TG: variants seen among roughly 807,000 people sequenced by gnomAD.
TG encodes thyroid hormones.
TG carries 270 observed loss-of-function variants against 324.7 expected under a neutral mutation model. The observed-to-expected ratio is 0.83, with a 90% confidence interval of 0.75 to 0.92. TG has a LOEUF of 0.92. Among genes scored for constraint, TG ranks in the 40% least tolerant of loss-of-function variants. The probability of loss-of-function intolerance (pLI) is 0.00; values close to 1 mark genes in which losing one functional copy is unlikely to be tolerated. For missense variants in TG, 3,591 were observed against 3,456.4 expected (o/e 1.04, Z -0.98); for synonymous variants, 1,401 against 1,327.0 (o/e 1.06, Z -1.21).
At chr8:133,116,521 G>A (rs1850705163) in intron 44 of TG, 88 bp from the exon 45 acceptor site, 6 of 1,267,820 alleles carry the variant, frequency 4.7e-6, no homozygotes, top group African/African-American at 1.5e-5. Context: ...GGGCCCAGGG[G>A]GCCCCTTGCT....
At chr8:133,104,200 G>T (rs566480985) in intron 43 of TG, among the ~76,000 whole-genome samples, 4 of 152,198 alleles carry the variant, frequency 2.6e-5, no homozygotes, top group Non-Finnish European at 5.9e-5. Flanking sequence ...GGGAGGAGAG[G>T]AAGTCAGAGG....
intron 43 of TG, chr8:133,106,431 G>A (rs1849815406): frequency 1.0e-6 from 1 of 985,268 alleles, no homozygotes; most frequent in Non-Finnish European, 1.2e-6. Context: ...AAACCAGGAT[G>A]GGGAAGCTCT....
intron 45 of TG, among the ~76,000 whole-genome samples, chr8:133,131,375 A>G (rs749673701): frequency 1.3e-5 from 2 of 152,240 alleles, no homozygotes; most frequent in South Asian, 2.1e-4. Context: ...TTGAAAAGTC[A>G]TAAGAGTGTG....
chr8:132,902,241 A>G (rs578128218), intron 16 of TG, among the ~76,000 whole-genome samples: 1 of 152,294 alleles, frequency 6.6e-6, no homozygotes, highest in Admixed American at 6.5e-5. Context: ...ACTGTGCTAA[A>G]TGATTCTGAG....
In TG at chr8:132,972,359, G is replaced by A. The variant is rs1587638261; in HGVS notation, c.6056-239G>A. 6 of 578,108 alleles carry A rather than the reference G, an allele frequency of 1.0e-5. No homozygotes were observed. In the East Asian group the frequency reaches 1.8e-4, roughly 17 times the overall value. The allele number at this position is 578,108 out of a possible 1,614,324, so 35.8% of individuals were successfully genotyped here. Reference sequence around the variant, plus strand: ...GTGATACCAACAGAGACCTAGCACAGCCCTAAGCACATGTTAGGTGCTTGA... The same window carrying A: ...GTGATACCAACAGAGACCTAGCACAACCCTAAGCACATGTTAGGTGCTTGA... On this transcript the variant is annotated intron_variant, in intron 33 of 47. Transcript: ENST00000220616.
chr8:132,950,775 C>G (rs1013315542), intron 27 of TG, among the ~76,000 whole-genome samples: 1 of 152,066 alleles, frequency 6.6e-6, no homozygotes, highest in Admixed American at 6.5e-5. Context: ...ACCCATCTCA[C>G]GGGGTTGGGA....
At chr8:133,133,749 A>G in intron 47 of TG, 89 bp downstream of exon 47, 1 of 1,465,644 alleles carries the variant, frequency 6.8e-7, no homozygotes. Context: ...CTGCGCGCGC[A>G]TTGGAGCCAA....
Position 132,901,232 on chromosome 8 carries a change from C to T in TG, c.3434-121C>T. ...CCTGGTGGGGAGGCAGCCCCAGACC[C>T]CTGGAAGGCCCTGCAGGCAGGTGGG... is the stretch of plus-strand genomic sequence containing the variant. On this transcript the variant is annotated intron_variant, in intron 15 of 47. Coordinates refer to ENST00000220616, the MANE Select transcript of TG (RefSeq NM_003235.5). The T allele has an allele frequency of 5.9e-6, 7 of 1,178,964 alleles. No individual in the cohort carries two copies. The South Asian group carries it at 7.5e-5, about 13-fold the overall frequency. 73.0% of individuals were successfully genotyped at this position (1,178,964 alleles called of 1,614,324 possible).
intron 21 of TG, 50 bp downstream of exon 21, chr8:132,919,575 G>T: frequency 6.2e-7 from 1 of 1,608,060 alleles, no homozygotes; most frequent in South Asian, 1.1e-5. Flanking sequence ...CAATGAAATG[G>T]AACTCAACAG....
At chr8:133,055,631 T>C (rs1216111484) in intron 41 of TG, among the ~76,000 whole-genome samples, 1 of 152,178 alleles carries the variant, frequency 6.6e-6, no homozygotes, top group Non-Finnish European at 1.5e-5. Flanking sequence ...ACCTTGAGTC[T>C]TTTCAGGGTC....
At chr8:132,946,469 A>G (rs921411470) in intron 26 of TG, among the ~76,000 whole-genome samples, 4 of 152,194 alleles carry the variant, frequency 2.6e-5, no homozygotes, top group African/African-American at 4.8e-5. Context: ...AGTCTTGTCC[A>G]GTGGGCAAAT....
chr8:132,954,367 G>A (rs1489770244), intron 27 of TG, among the ~76,000 whole-genome samples: 1 of 152,190 alleles, frequency 6.6e-6, no homozygotes, highest in Non-Finnish European at 1.5e-5. Context: ...TCAACCATGA[G>A]ACAAAGATTC....
chr8:133,112,092 G>A (rs1177621429), intron 43 of TG, among the ~76,000 whole-genome samples: 1 of 149,724 alleles, frequency 6.7e-6, no homozygotes, highest in African/African-American at 2.5e-5. Context: ...GAGTGGTTGT[G>A]TTCACCCAGG....
chr8:132,988,823 C>T (rs1564045894), intron 35 of TG: 1 of 985,278 alleles, frequency 1.0e-6, no homozygotes, highest in African/African-American at 1.7e-5. Context: ...AATGTGGGAT[C>T]TCCTAAGGGT....
intron 25 of TG, 106 bp downstream of exon 25, chr8:132,935,970 TC>T: frequency 1.2e-6 from 1 of 833,080 alleles, no homozygotes. Context: ...ACTGTCCCGC[TC>T]CCCACTCCAC....
chr8:132,872,915 T>C lies in TG; in HGVS notation c.479-147T>C. 8 of 873,418 alleles carry C rather than the reference T, an allele frequency of 9.2e-6. No individual in the cohort carries two copies. In the South Asian group the frequency reaches 1.2e-4, roughly 13 times the overall value. The allele number at this position is 873,418 out of a possible 1,614,324, so 54.1% of individuals were successfully genotyped here. ...TCTAGGTCTGCATAAGTACACTCTA[T>C]GATGTTCACACGACAATGAAACCGC... On this transcript the variant is annotated intron_variant, in intron 4 of 47. Coordinates refer to ENST00000220616, the MANE Select transcript of TG (RefSeq NM_003235.5).
At chr8:133,127,905 T>G (rs1851641857) in intron 45 of TG, among the ~76,000 whole-genome samples, 1 of 152,108 alleles carries the variant, frequency 6.6e-6, no homozygotes, top group African/African-American at 2.4e-5. Context: ...GCTACCCACA[T>G]GCCCTTCCTC....
chr8:133,061,147 A>G (rs1842318563), intron 41 of TG, among the ~76,000 whole-genome samples: 1 of 152,166 alleles, frequency 6.6e-6, no homozygotes, highest in African/African-American at 2.4e-5. Context: ...AGTAGCTGGG[A>G]TTACAGGCAC....
At chr8:133,091,655 T>C (rs1043016736) in intron 41 of TG, among the ~76,000 whole-genome samples, 2 of 151,990 alleles carry the variant, frequency 1.3e-5, no homozygotes, top group Admixed American at 1.3e-4. Flanking sequence ...TGAGTATGTG[T>C]CTATGACTGT....
Sources: gnomAD v4.1 joint callset for allele counts (sites outside exome capture counted in the v4.1 genomes callset) on GRCh38, gnomAD v4.1.1 for gene constraint, MANE v1.5 for transcripts, NCBI Gene and HGNC (gene_info 2026-07-23, HGNC 2026-07-21) for gene names.